LRBA: variants seen among roughly 807,000 people sequenced by gnomAD.
LRBA encodes lipopolysaccharide-responsive and beige-like anchor protein.
LRBA carries 176 observed loss-of-function variants against 330.0 expected under a neutral mutation model. That is an observed-to-expected ratio of 0.53 (90% CI 0.47 to 0.60). LRBA has a LOEUF of 0.60. LRBA is among the 20% of genes least tolerant of loss of function. The pLI is 0.00. For synonymous variants in LRBA, 1,230 were observed against 1,193.0 expected, an observed-to-expected ratio of 1.03 and a Z score of -0.64; for missense variants, 3,259 against 3,444.8, an observed-to-expected ratio of 0.95 and a Z score of 1.35.
chr4:150,395,170 T>A (rs1349021206), intron 47 of LRBA, among the ~76,000 whole-genome samples: 1 of 152,158 alleles, frequency 6.6e-6, no homozygotes, highest in Non-Finnish European at 1.5e-5. Context: ...TAAGTGTACA[T>A]AATAGAATTA....
At position 150,448,441 on chromosome 4, in the gene LRBA, C is replaced by T. The variant is rs111618884; in HGVS notation, c.6781-11577G>A. On this transcript the variant is annotated intron_variant, in intron 44 of 56. Coordinates refer to ENST00000651943, the MANE Select transcript of LRBA (RefSeq NM_001364905.1). ...TCCAAAAAGTTACAGGCCTCTTCAA[C>T]GAGAGATGGTACAAACTGCTATAAT... 8.4e-3 allele frequency among the ~76,000 whole-genome samples: 1,284 copies of T among 152,220 alleles called. 7 individuals carry two copies. The highest frequency in any genetic ancestry group is 0.017 in the Middle Eastern group (5 of 294).
intron 36 of LRBA, among the ~76,000 whole-genome samples, chr4:150,715,980 G>A (rs1156426323): frequency 6.6e-6 from 1 of 152,150 alleles, no homozygotes; most frequent in African/African-American, 2.4e-5. Flanking sequence ...ATTATACTGT[G>A]AGCAAATATG....
At chr4:150,303,664 C>T (rs1247951994) in intron 52 of LRBA, among the ~76,000 whole-genome samples, 7 of 152,042 alleles carry the variant, frequency 4.6e-5, no homozygotes, top group Non-Finnish European at 8.8e-5. Context: ...CTCTGCTTCC[C>T]AGGTTCACGC....
intron 27 of LRBA, 36 bp downstream of exon 27, chr4:150,844,622 T>A: frequency 6.4e-7 from 1 of 1,559,374 alleles, no homozygotes; most frequent in Non-Finnish European, 8.7e-7. Context: ...AAAATAGGAG[T>A]ATGCTTTTTG....
At chr4:150,838,537 CATTT>C (rs1386454106) in intron 28 of LRBA, among the ~76,000 whole-genome samples, 1 of 152,150 alleles carries the variant, frequency 6.6e-6, no homozygotes, top group Non-Finnish European at 1.5e-5. Context: ...TCATTTCATT[CATTT>C]GATCTTCAAT....
chr4:150,665,345 C>T (rs1305214223), intron 37 of LRBA, among the ~76,000 whole-genome samples: 1 of 152,138 alleles, frequency 6.6e-6, no homozygotes, highest in African/African-American at 2.4e-5. Flanking sequence ...GCACAGTGAG[C>T]CACTCATCAT....
At chr4:150,470,840 T>TACACACACACACACACAC (rs146604033) in intron 43 of LRBA, among the ~76,000 whole-genome samples, 3 of 140,554 alleles carry the variant, frequency 2.1e-5, no homozygotes, top group East Asian at 2.2e-4. Flanking sequence ...CCCTCATTAC[T>TACACACACACACACACAC]ACACACACAC....
chr4:150,474,944 T>C (rs1719789503), intron 42 of LRBA, among the ~76,000 whole-genome samples: 1 of 152,188 alleles, frequency 6.6e-6, no homozygotes, highest in South Asian at 2.1e-4. Context: ...ATGATTTTTG[T>C]CACTTTGTGG....
chr4:151,010,193 A>T (rs75387305), intron 2 of LRBA, among the ~76,000 whole-genome samples: 8,165 of 152,086 alleles, frequency 0.054, 664 homozygotes, highest in African/African-American at 0.18. Context: ...TTTTTTAAAA[A>T]ATCATGAAAG....
At chr4:150,653,210 T>A (rs1779872642) in intron 37 of LRBA, among the ~76,000 whole-genome samples, 1 of 152,138 alleles carries the variant, frequency 6.6e-6, no homozygotes, top group Non-Finnish European at 1.5e-5. Context: ...TCAATGTGGT[T>A]ATATAAGTTA....
At chr4:150,488,354 AATGTCT>A (rs1452165976) in intron 41 of LRBA, among the ~76,000 whole-genome samples, 1 of 151,670 alleles carries the variant, frequency 6.6e-6, no homozygotes, top group Non-Finnish European at 1.5e-5. Flanking sequence ...GTCTTTTTAC[AATGTCT>A]ATATGTTTAT....
chr4:150,965,821 G>A (rs899644968), intron 2 of LRBA, among the ~76,000 whole-genome samples: 2 of 151,982 alleles, frequency 1.3e-5, no homozygotes, highest in East Asian at 1.9e-4. Flanking sequence ...TGATGTTACA[G>A]GTGTGAGCCA....
intron 37 of LRBA, among the ~76,000 whole-genome samples, chr4:150,625,687 TTATA>T (rs374872258): frequency 1.4e-5 from 2 of 144,930 alleles, no homozygotes. Context: ...GGTACCGAGA[TTATA>T]TATATATATA....
In LRBA at chr4:150,455,223, T is replaced by C. The variant is rs552378658; in HGVS notation, c.6780+12450A>G. Among the ~76,000 whole-genome samples the C allele has an allele frequency of 5.0e-3, 752 of 151,180 alleles. 1 individual carries two copies. The highest frequency in any genetic ancestry group is 7.8e-3 in the Non-Finnish European group (532 of 67,920). ...CCCACCTATGAGTGAGAATATGTGGTGTTTGGTTTTTTGTTCTTGCGATAG... is the reference window on the plus strand; with the variant it reads ...CCCACCTATGAGTGAGAATATGTGGCGTTTGGTTTTTTGTTCTTGCGATAG... On this transcript the variant is annotated intron_variant, in intron 44 of 56. Transcript: ENST00000651943.
intron 41 of LRBA, among the ~76,000 whole-genome samples, chr4:150,488,443 C>A (rs1172446724): frequency 6.6e-6 from 1 of 151,572 alleles, no homozygotes. Flanking sequence ...CATTTTTCCT[C>A]TGCAGTTAAA....
intron 53 of LRBA, among the ~76,000 whole-genome samples, chr4:150,299,264 AT>A (rs1473983074): frequency 2.6e-5 from 4 of 152,060 alleles, no homozygotes; most frequent in African/African-American, 7.2e-5. Context: ...GGTTAATTTC[AT>A]TTTTTAAATC....
chr4:150,381,779 C>T (rs187048015), intron 47 of LRBA, among the ~76,000 whole-genome samples: 1 of 152,308 alleles, frequency 6.6e-6, no homozygotes, highest in East Asian at 1.9e-4. Context: ...ATTTTACATT[C>T]CCAAGAGTAA....
At chr4:150,837,064 T>C (rs1244556397) in intron 28 of LRBA, among the ~76,000 whole-genome samples, 1 of 152,222 alleles carries the variant, frequency 6.6e-6, no homozygotes, top group Non-Finnish European at 1.5e-5. Flanking sequence ...CCAGTAGTCA[T>C]TCAGGAGCAG....
rs1386813679 is a variant in LRBA at position 150,963,598 on chromosome 4, G to A, written c.217-34533C>T. Among the ~76,000 whole-genome samples the A allele has an allele frequency of 2.7e-5, 4 of 149,596 alleles. 1 individual carries two copies. The highest frequency in any genetic ancestry group is 5.1e-5 in the African/African-American group (2 of 38,928). The stretch of plus-strand genomic sequence containing the variant: ...AGTGCCGAGATTGCAGCCTCTGCCC[G>A]GCTGCCACCCCATATAGGAAGTGAG... On this transcript the variant is annotated intron_variant, in intron 2 of 56. Coordinates refer to ENST00000651943, the MANE Select transcript of LRBA (RefSeq NM_001364905.1).
Sources: allele counts gnomAD v4.1 joint callset (sites outside exome capture counted in the v4.1 genomes callset), GRCh38; gene constraint gnomAD v4.1.1; transcripts MANE v1.5; gene names NCBI Gene and HGNC (gene_info 2026-07-23, HGNC 2026-07-21).